The following CELSR1 variants were observed in gnomAD, a reference collection of about 807,000 sequenced individuals.
The protein encoded by CELSR1 is adhesion G protein-coupled receptor C1.
A neutral mutation model predicts 249.1 loss-of-function variants in CELSR1; 110 were observed. That is an observed-to-expected ratio of 0.44 (90% CI 0.38 to 0.52). The LOEUF is 0.52. Ranked by LOEUF, CELSR1 falls within the 20% of genes least tolerant of loss-of-function variation. The pLI, the probability that CELSR1 is intolerant of heterozygous loss-of-function variation, is 0.00. For synonymous variants in CELSR1, 2,113 were observed against 1,900.0 expected (o/e 1.11, Z -2.92); for missense variants, 4,109 against 4,296.4 (o/e 0.96, Z 1.22).
rs770515309 is a variant in CELSR1, at chr22:46,536,090, G to A, written c.1081C>T (p.Arg361Cys). ...CCCACCTCCAGGTTCTCCCGCACGCGCTCGCGGTACTCCGACTGCTCGAAG... is the reference window on the plus strand; with the variant it reads ...CCCACCTCCAGGTTCTCCCGCACGCACTCGCGGTACTCCGACTGCTCGAAG... ...PVFEQSEYRE[R>C]VRENLEVGYE... The change falls in exon 1 of 35, where the codon CGC (arginine) becomes TGC (cysteine). Residue 361 changes from arginine to cysteine, a missense_variant. By Grantham distance (180) the Arg-to-Cys change is radical. Coordinates refer to ENST00000674500, the MANE Select transcript of CELSR1 (RefSeq NM_001378328.1). 6.2e-7 allele frequency: 1 copy of A among 1,611,832 alleles called. No individual in the cohort carries two copies. The highest frequency in any genetic ancestry group is 8.5e-7 in the Non-Finnish European group (1 of 1,179,972).
Position 46,362,583 on chromosome 22 carries a change from A to G in CELSR1, c.*640T>C, listed in dbSNP as rs1367655139. On this transcript the variant is annotated 3_prime_UTR_variant, in exon 35 of 35. Transcript: ENST00000674500. ...TCAACACATGCCAGATTCAAGTACAACTGTGCAATCTTGACAGAGAAGACA... is the reference window on the plus strand; with the variant it reads ...TCAACACATGCCAGATTCAAGTACAGCTGTGCAATCTTGACAGAGAAGACA... 6.5e-6 allele frequency: 1 copy of G among 152,716 alleles called. No homozygotes were observed. The highest frequency in any genetic ancestry group is 2.4e-5 in the African/African-American group (1 of 41,456). The allele number at this position is 152,716 out of a possible 1,614,324, so 9.5% of individuals were successfully genotyped here.
chr22:46,528,133 T>C (rs995158391), intron 1 of CELSR1, among the ~76,000 whole-genome samples: 1 of 148,800 alleles, frequency 6.7e-6, no homozygotes, highest in African/African-American at 2.5e-5. Context: ...GATCCTTCCC[T>C]ACCCTGTGAG....
chr22:46,465,360 C>G (rs2080085226), intron 1 of CELSR1, among the ~76,000 whole-genome samples: 1 of 152,152 alleles, frequency 6.6e-6, no homozygotes, highest in Non-Finnish European at 1.5e-5. Context: ...GAGCTCCCAC[C>G]CTGGTTTCCA....
chr22:46,505,279 A>AAAAAAAAAAAAAAC (rs2080504711), intron 1 of CELSR1, among the ~76,000 whole-genome samples: 1 of 151,400 alleles, frequency 6.6e-6, no homozygotes. Flanking sequence ...AAAAAAAAAA[A>AAAAAAAAAAAAAAC]AAAGAGCAAG....
chr22:46,364,320 C>T, intron 33 of CELSR1, 69 bp from the exon 34 acceptor site: 1 of 1,571,006 alleles, frequency 6.4e-7, no homozygotes, highest in Non-Finnish European at 8.6e-7. Flanking sequence ...GGGCCGTGTG[C>T]AGCTGAGCCA....
chr22:46,465,133 GGGGGTGGGTCAT>G (rs2080082317), intron 1 of CELSR1, among the ~76,000 whole-genome samples: 2 of 152,276 alleles, frequency 1.3e-5, no homozygotes, highest in Non-Finnish European at 2.9e-5. Context: ...GAGACGTTCA[GGGGGTGGGTCAT>G]GGGTACCAGT....
intron 1 of CELSR1, among the ~76,000 whole-genome samples, chr22:46,507,913 C>T (rs2080531859): frequency 6.6e-6 from 1 of 152,178 alleles, no homozygotes. Flanking sequence ...CACCCCCCTA[C>T]CTCCCACCTC....
At chr22:46,507,386 C>T (rs556025437) in intron 1 of CELSR1, among the ~76,000 whole-genome samples, 290 of 152,136 alleles carry the variant, frequency 1.9e-3, no homozygotes, top group African/African-American at 6.6e-3. Context: ...TCACTGCCTC[C>T]CCTTCAGCAG....
At position 46,362,776 on chromosome 22, in the gene CELSR1, C is replaced by T. The variant is rs142199113; in HGVS notation, c.*447G>A. On this transcript the variant is annotated 3_prime_UTR_variant, in exon 35 of 35. Coordinates refer to ENST00000674500, the MANE Select transcript of CELSR1 (RefSeq NM_001378328.1). The stretch of plus-strand genomic sequence containing the variant: ...AGGGGTGCCTTTGCAAAGGACTGCC[C>T]GGGCTGCCAGCCACGGGTCCGCACT... The T allele has an allele frequency of 4.4e-4, 98 of 221,088 alleles. No individual in the cohort carries two copies. The highest frequency in any genetic ancestry group is 1.9e-3 in the African/African-American group (83 of 44,184). 13.7% of individuals were successfully genotyped at this position (221,088 alleles called of 1,614,324 possible).
At chr22:46,397,468 C>T (rs1373434179) in intron 12 of CELSR1, among the ~76,000 whole-genome samples, 1 of 151,954 alleles carries the variant, frequency 6.6e-6, no homozygotes, top group South Asian at 2.1e-4. Context: ...CTGAGGAGAG[C>T]GCCTGGGGCA....
intron 20 of CELSR1, 70 bp downstream of exon 20, chr22:46,384,473 G>T: frequency 6.7e-7 from 1 of 1,494,170 alleles, no homozygotes. Context: ...TGCGATGCCC[G>T]CAGCGGGGCC....
chr22:46,381,158 G>A lies in CELSR1; in HGVS notation c.7089-203C>T, dbSNP rs918934517. ...ACTGACAGGGCACACAGAGAGAGGT[G>A]TCACCTTTGGGTCAAATTGGGACTT... On this transcript the variant is annotated intron_variant, in intron 21 of 34. Transcript: ENST00000674500. This position sits in a 1 kb window ranked among gnomAD's most constrained non-coding sequence, Gnocchi z 6.0. 6.6e-6 allele frequency among the ~76,000 whole-genome samples: 1 copy of A among 152,142 alleles called. No homozygotes were observed. Among genetic ancestry groups the A allele is most frequent in the Admixed American group, 6.5e-5 (1 of 15,278 alleles).
At chr22:46,515,790 C>T (rs2080620838) in intron 1 of CELSR1, among the ~76,000 whole-genome samples, 1 of 152,202 alleles carries the variant, frequency 6.6e-6, no homozygotes, top group Non-Finnish European at 1.5e-5. Flanking sequence ...GAGGATACAC[C>T]AGGACATTCC....
intron 1 of CELSR1, among the ~76,000 whole-genome samples, chr22:46,524,849 G>A (rs1485812575): frequency 2.0e-5 from 3 of 152,140 alleles, no homozygotes; most frequent in Admixed American, 1.3e-4. Context: ...AAACGAAAAC[G>A]GCTCCTGGGG....
rs1480516212 is a variant in CELSR1 at position 46,390,682 on chromosome 22, A to G, written c.6251-196T>C. Among the ~76,000 whole-genome samples, 1 of 152,144 alleles carries G rather than the reference A, an allele frequency of 6.6e-6. No individual in the cohort carries two copies. The highest frequency in any genetic ancestry group is 2.4e-5 in the African/African-American group (1 of 41,428). The stretch of plus-strand genomic sequence containing the variant: ...GGCCGAAGCTGCTCTGACACTGACA[A>G]CCAGGCGTTTCGGGAGCCCAGCCAA... On this transcript the variant is annotated intron_variant, in intron 16 of 34. Coordinates refer to ENST00000674500, the MANE Select transcript of CELSR1 (RefSeq NM_001378328.1). This position sits in a 1 kb window ranked among gnomAD's most constrained non-coding sequence, Gnocchi z 6.3.
chr22:46,370,467 G>A (rs1300190160), intron 25 of CELSR1, among the ~76,000 whole-genome samples: 2 of 152,022 alleles, frequency 1.3e-5, no homozygotes, highest in East Asian at 1.9e-4. Flanking sequence ...CCTGCTATAC[G>A]AGCTGCTTGT....
chr22:46,517,145 C>T lies in CELSR1; in HGVS notation c.3544+16482G>A, dbSNP rs182739833. On this transcript the variant is annotated intron_variant, in intron 1 of 34. Coordinates refer to ENST00000674500, the MANE Select transcript of CELSR1 (RefSeq NM_001378328.1). The surrounding 1 kb of genome is among the most constrained non-coding windows in gnomAD (Gnocchi z 5.4). Reference sequence around the variant, plus strand: ...TGAGGTATACAAACCACCTCCCCATCCCCCACTGCCTCAGTTTTCCCAGCT... The same window carrying T: ...TGAGGTATACAAACCACCTCCCCATTCCCCACTGCCTCAGTTTTCCCAGCT... Among the ~76,000 whole-genome samples, 176 of 152,380 alleles carry T rather than the reference C, an allele frequency of 1.2e-3. No homozygotes were observed. The highest frequency in any genetic ancestry group is 1.4e-3 in the Non-Finnish European group (95 of 68,042).
At chr22:46,387,660 G>C (rs2079046777) in intron 18 of CELSR1, among the ~76,000 whole-genome samples, 1 of 152,122 alleles carries the variant, frequency 6.6e-6, no homozygotes, top group Admixed American at 6.6e-5. Context: ...CGCCCGGCCA[G>C]AAGTCATTTT....
chr22:46,531,621 C>T (rs536439401), intron 1 of CELSR1, among the ~76,000 whole-genome samples: 6 of 152,206 alleles, frequency 3.9e-5, no homozygotes, highest in African/African-American at 9.6e-5. Context: ...CTGCTTTCTG[C>T]GGATCGTGGT....
Sources: gnomAD v4.1 joint callset for allele counts (sites outside exome capture counted in the v4.1 genomes callset) on GRCh38, gnomAD v4.1.1 for gene constraint, Gnocchi (gnomAD v3.1) non-coding constraint, MANE v1.5 for transcripts, NCBI Gene and HGNC (gene_info 2026-07-23, HGNC 2026-07-21) for gene names.